MICAL1: variants seen among roughly 807,000 people sequenced by gnomAD.
MICAL1 encodes microtubule associated monooxygenase, calponin and LIM domain containing 1, also known as [F-actin]-monooxygenase MICAL1.
In MICAL1, 95 loss-of-function variants were observed where a neutral mutation model predicts 131.8. The observed-to-expected ratio is 0.72, with a 90% CI of 0.61 to 0.86. The LOEUF (loss-of-function observed/expected upper bound fraction) is 0.86. Among genes scored for constraint, MICAL1 ranks in the 40% least tolerant of loss-of-function variants. The pLI, the probability that MICAL1 is intolerant of heterozygous loss-of-function variation, is 0.00. For missense variants in MICAL1, 1,292 were observed against 1,380.6 expected, an observed-to-expected ratio of 0.94 and a Z score of 1.02; for synonymous variants, 546 against 554.2, an observed-to-expected ratio of 0.99 and a Z score of 0.21.
intron 1 of MICAL1, among the ~76,000 whole-genome samples, chr6:109,461,197 C>G (rs1369834399): frequency 6.9e-6 from 1 of 144,254 alleles, no homozygotes; most frequent in African/African-American, 2.5e-5. Flanking sequence ...TGAGTGAGAA[C>G]ATGTGGTGTT....
At chr6:109,448,646 G>A in intron 12 of MICAL1, 86 bp downstream of exon 12, 1 of 1,558,282 alleles carries the variant, frequency 6.4e-7, no homozygotes, top group Non-Finnish European at 8.8e-7. Context: ...CAGATGCAGG[G>A]AAGCACACTG....
Position 109,449,438 on chromosome 6 carries a change from C to G in MICAL1, c.1478G>C (p.Arg493Thr). Residue 493 changes from arginine to threonine, a missense_variant, in exon 11 of 25, where the codon AGG (arginine) becomes ACG (threonine). By Grantham distance (71) the Arg-to-Thr change is moderately conservative (BLOSUM62 -1). Transcript: ENST00000358807. Reference sequence around the variant, plus strand: ...CCCTGTATCTGTCTTGTCGTTGTTCCTCTGCACAGGCTCCTTGGCTAGCAC... The same window carrying G: ...CCCTGTATCTGTCTTGTCGTTGTTCGTCTGCACAGGCTCCTTGGCTAGCAC... ...YDVLAKEPVQ[R>T]NNDKTDTGMP... 1 of 1,614,228 alleles carries G rather than the reference C, an allele frequency of 6.2e-7. No homozygotes were observed. Among genetic ancestry groups the G allele is most frequent in the Non-Finnish European group, 8.5e-7 (1 of 1,180,046 alleles).
In MICAL1 at chr6:109,448,758, C is replaced by G. The variant is rs1562289551; in HGVS notation, c.1638G>C (p.Leu546=). 2 of 1,614,080 alleles carry G rather than the reference C, an allele frequency of 1.2e-6. No individual in the cohort carries two copies. The highest frequency in any genetic ancestry group is 1.1e-5 in the South Asian group (1 of 91,080). Residue 546 remains leucine, a synonymous_variant, in exon 12 of 25, where the codon CTG becomes CTC. Coordinates refer to ENST00000358807, the MANE Select transcript of MICAL1 (RefSeq NM_022765.4). ...GCAGGCCAGGCTGCAGCCGGTACACCAGGGCACACAGAGCTAGCCCATCAG... is the reference window on the plus strand; with the variant it reads ...GCAGGCCAGGCTGCAGCCGGTACACGAGGGCACACAGAGCTAGCCCATCAG... ...SWADGLALCA[L]VYRLQPGLLE... is the part of the protein sequence containing the mutation.
At chr6:109,457,246 GC>G (rs1775775481), upstream of MICAL1, among the ~76,000 whole-genome samples, 4 of 152,158 alleles carry the variant, frequency 2.6e-5, no homozygotes, top group African/African-American at 7.2e-5. Context: ...GAAAACTAGG[GC>G]AGCCTCTCAG....
chr6:109,447,560 A>T (rs575892608), intron 15 of MICAL1, 120 bp from the exon 16 acceptor site: 48 of 1,457,864 alleles, frequency 3.3e-5, no homozygotes, highest in Non-Finnish European at 4.5e-5. Context: ...GGGAGGCTGG[A>T]TGGGGGGGTT....
intron 1 of MICAL1, chr6:109,464,971 A>G (rs1304456153): frequency 6.6e-6 from 1 of 152,236 alleles, no homozygotes; most frequent in African/African-American, 2.4e-5. Context: ...TAAGACTTAA[A>G]TTACACTGAA....
chr6:109,465,566 A>T, intron 1 of MICAL1: 1 of 1,292,366 alleles, frequency 7.7e-7, no homozygotes, highest in Non-Finnish European at 1.1e-6. Flanking sequence ...AACTGAGATC[A>T]ATGCCCCCAA....
At chr6:109,444,604 T>C in intron 24 of MICAL1, 121 bp downstream of exon 24, 1 of 1,273,974 alleles carries the variant, frequency 7.8e-7, no homozygotes, top group Admixed American at 1.7e-5. Context: ...TCTGGCTTCC[T>C]CCTGAATTGT....
rs917100532 is a variant in MICAL1, at chr6:109,453,159, CAA to C, written c.571+102_571+103del. On this transcript the variant is annotated intron_variant, in intron 4 of 24. Transcript: ENST00000358807. ...TGGGTGACAGAACGAGACTCTGTCT[CAA>C]AACAAAAACAGAAAAGGACACTCCT... 4 of 924,410 alleles carry C rather than the reference CAA, an allele frequency of 4.3e-6. No individual in the cohort carries two copies. The African/African-American group carries it at 6.5e-5, about 15-fold the overall frequency. The allele number at this position is 924,410 out of a possible 1,614,324, so 57.3% of individuals were successfully genotyped here. A position where few individuals can be genotyped will look rare whatever the true frequency, so the allele number is the denominator to read the frequency against.
rs759905835 is a variant in MICAL1, at chr6:109,444,235, GCTC to G, written c.3157_3159del (p.Glu1053del). On this transcript the variant is annotated inframe_deletion, in exon 25 of 25. Coordinates refer to ENST00000358807, the MANE Select transcript of MICAL1 (RefSeq NM_022765.4). ...CCCAAGGCCAGCTCGCTGAGCCTGC[GCTC>G]CTCCTGGAAGCGGATGAGGGCATCT... 28 of 1,613,610 alleles carry G rather than the reference GCTC, an allele frequency of 1.7e-5. No individual in the cohort carries two copies. In the African/African-American group the frequency reaches 2.8e-4, roughly 16 times the overall value.
chr6:109,446,293 G>T lies in MICAL1; in HGVS notation c.2424C>A (p.Leu808=). 6.2e-7 allele frequency: 1 copy of T among 1,614,178 alleles called. No individual in the cohort carries two copies. The highest frequency in any genetic ancestry group is 8.5e-7 in the Non-Finnish European group (1 of 1,180,032). The part of the protein sequence containing the change: ...PSQPTRRQIR[L]SSPERQRLSS... ...ACAACCGCTGGCGCTCCGGGCTGGA[G>T]AGGCGGATCTGCCGACGGGTGGGCT... is the stretch of plus-strand genomic sequence containing the variant. Residue 808 remains leucine, a synonymous_variant, in exon 19 of 25, where the codon CTC becomes CTA. Transcript: ENST00000358807.
Position 109,446,294 on chromosome 6 carries a change from A to C in MICAL1, c.2423T>G (p.Leu808Arg), listed in dbSNP as rs1170785229. ...PSQPTRRQIR[L>R]SSPERQRLSS... ...CAACCGCTGGCGCTCCGGGCTGGAG[A>C]GGCGGATCTGCCGACGGGTGGGCTG... is the stretch of plus-strand genomic sequence containing the variant. Residue 808 changes from leucine to arginine, a missense_variant, in exon 19 of 25, where the codon CTC becomes CGC. Coordinates refer to ENST00000358807, the MANE Select transcript of MICAL1 (RefSeq NM_022765.4). 1 of 1,613,952 alleles carries C rather than the reference A, an allele frequency of 6.2e-7. No homozygotes were observed. Among genetic ancestry groups the C allele is most frequent in the African/African-American group, 1.3e-5 (1 of 74,922 alleles).
At chr6:109,447,042 G>T (rs757292796) in intron 17 of MICAL1, 31 bp downstream of exon 17, 4 of 1,608,598 alleles carry the variant, frequency 2.5e-6, no homozygotes, top group Non-Finnish European at 3.4e-6. Context: ...CAGGCCCAGA[G>T]TCTCTCTGGA....
Position 109,446,746 on chromosome 6 carries a change from G to C in MICAL1, c.2254C>G (p.Pro752Ala). ...DGHFYCLQHL[P>A]QTDHKAEGSD... Reference sequence around the variant, plus strand: ...CCTTCCGCTTTGTGGTCTGTCTGGGGCAGGTGCTGGAGGCAGTAGAAATGT... The same window carrying C: ...CCTTCCGCTTTGTGGTCTGTCTGGGCCAGGTGCTGGAGGCAGTAGAAATGT... The change falls in exon 18 of 25, where the codon CCC becomes GCC. Residue 752 changes from proline to alanine, a missense_variant. Physicochemically the swap from Pro to Ala is conservative, Grantham distance 27. Transcript: ENST00000358807. 6.2e-7 allele frequency: 1 copy of C among 1,613,834 alleles called. No homozygotes were observed. The highest frequency in any genetic ancestry group is 1.1e-5 in the South Asian group (1 of 90,966).
intron 24 of MICAL1, 116 bp from the exon 25 acceptor site, chr6:109,444,455 C>A: frequency 7.0e-7 from 1 of 1,438,374 alleles, no homozygotes; most frequent in Admixed American, 2.2e-5. Context: ...CCTAAGCTGC[C>A]AAATTAGGAG....
At position 109,445,225 on chromosome 6, in the gene MICAL1, C is replaced by T; in HGVS notation, c.2853G>A (p.Lys951=). 6.2e-7 allele frequency: 1 copy of T among 1,613,858 alleles called. No individual in the cohort carries two copies. The highest frequency in any genetic ancestry group is 1.1e-5 in the South Asian group (1 of 91,068). The change falls in exon 22 of 25, where the codon AAG becomes AAA. Residue 951 remains lysine (K), a synonymous_variant. Coordinates refer to ENST00000358807, the MANE Select transcript of MICAL1 (RefSeq NM_022765.4). The part of the protein sequence containing the change: ...ALRELEAEGV[K]LELALRRQSS... The stretch of plus-strand genomic sequence containing the variant: ...TCTGGCGCCTCAAGGCCAGCTCCAG[C>T]TTCACGCCCTCGGCCTCTAGCTCCC...
Position 109,450,539 on chromosome 6 carries a change from G to T in MICAL1, c.952C>A (p.Arg318=). The T allele has an allele frequency of 2.5e-6, 4 of 1,610,174 alleles. No individual in the cohort carries two copies. Among genetic ancestry groups the T allele is most frequent in the East Asian group, 4.5e-5 (2 of 44,722 alleles). Reference sequence around the variant, plus strand: ...ACCACATTGGCACTGCCCAGCAGCCGATTGGTGTCTGGCCAGTCCTGTATG... The same window carrying T: ...ACCACATTGGCACTGCCCAGCAGCCTATTGGTGTCTGGCCAGTCCTGTATG... ...VLRQDWPDTN[R]LLGSANVVPE... The change falls in exon 8 of 25, where the codon CGG becomes AGG. Residue 318 remains arginine, a synonymous_variant. Transcript: ENST00000358807.
intron 1 of MICAL1, among the ~76,000 whole-genome samples, chr6:109,462,033 C>T (rs1194943403): frequency 7.6e-6 from 1 of 130,954 alleles, no homozygotes; most frequent in Non-Finnish European, 1.5e-5. Context: ...CACTCAGATG[C>T]CAGTTGTTAG....
upstream of MICAL1, among the ~76,000 whole-genome samples, chr6:109,457,851 A>G (rs889021748): frequency 1.3e-5 from 2 of 152,272 alleles, no homozygotes; most frequent in Non-Finnish European, 2.9e-5. Flanking sequence ...ACTTATGCTA[A>G]TTAAATACTT....
Sources: allele counts gnomAD v4.1 joint callset (sites outside exome capture counted in the v4.1 genomes callset), GRCh38; gene constraint gnomAD v4.1.1; transcripts MANE v1.5; gene names NCBI Gene and HGNC (gene_info 2026-07-23, HGNC 2026-07-21).